Variants in FOXP1 observed in about 807,000 individuals in gnomAD.
FOXP1 encodes the protein forkhead box P1, also known as forkhead box protein P1.
In FOXP1, 15 loss-of-function variants were observed where a neutral mutation model predicts 98.2. The observed-to-expected ratio is 0.15, with a 90% CI of 0.10 to 0.24. The LOEUF is 0.24. Ranked by LOEUF, FOXP1 falls within the 10% of genes least tolerant of loss-of-function variation. FOXP1 has a pLI of 1.00. For synonymous variants in FOXP1, 371 were observed against 314.5 expected, an observed-to-expected ratio of 1.18 and a Z score of -1.90; for missense variants, 633 against 848.5, an observed-to-expected ratio of 0.75 and a Z score of 3.15.
chr3:71,017,036 A>C (rs1456563383), intron 11 of FOXP1, among the ~76,000 whole-genome samples: 1 of 152,148 alleles, frequency 6.6e-6, no homozygotes, highest in African/African-American at 2.4e-5. Context: ...AAAGAAAAAA[A>C]GGTAGAAAAA....
intron 5 of FOXP1, among the ~76,000 whole-genome samples, chr3:71,293,852 G>A (rs997729495): frequency 7.9e-5 from 12 of 152,104 alleles, no homozygotes; most frequent in Admixed American, 2.0e-4. Flanking sequence ...AATACACACA[G>A]CATAAAAAAC....
chr3:70,980,883 G>A (rs559582410), intron 14 of FOXP1, among the ~76,000 whole-genome samples: 3 of 152,232 alleles, frequency 2.0e-5, no homozygotes, highest in Admixed American at 6.5e-5. Flanking sequence ...TATACTTCTC[G>A]GCTTCTCTTT....
chr3:71,550,904 G>A (rs1296390785), intron 2 of FOXP1, among the ~76,000 whole-genome samples: 1 of 152,168 alleles, frequency 6.6e-6, no homozygotes, highest in Non-Finnish European at 1.5e-5. Flanking sequence ...CACTCTCTGC[G>A]GCTCCTCCTC....
chr3:70,981,976 A>G (rs753199601), intron 14 of FOXP1, among the ~76,000 whole-genome samples: 1 of 152,208 alleles, frequency 6.6e-6, no homozygotes, highest in Non-Finnish European at 1.5e-5. Context: ...TGAAATGTCA[A>G]CCTTGTCAAC....
At chr3:71,005,482 A>T (rs1214816489) in intron 12 of FOXP1, among the ~76,000 whole-genome samples, 1 of 152,068 alleles carries the variant, frequency 6.6e-6, no homozygotes, top group Non-Finnish European at 1.5e-5. Flanking sequence ...TGAAACACAT[A>T]TTAAATCTGA....
At chr3:71,344,777 T>C (rs2077222230) in intron 4 of FOXP1, among the ~76,000 whole-genome samples, 1 of 151,738 alleles carries the variant, frequency 6.6e-6, no homozygotes, top group East Asian at 1.9e-4. Context: ...GAGGTTGCAG[T>C]GAGCTGAGAT....
chr3:71,560,800 C>T (rs1478353729), intron 2 of FOXP1, among the ~76,000 whole-genome samples: 1 of 152,104 alleles, frequency 6.6e-6, no homozygotes, highest in East Asian at 1.9e-4. Flanking sequence ...CAGACAGACA[C>T]AAAAGGCCAC....
chr3:71,214,851 A>G (rs1164622032), intron 5 of FOXP1, among the ~76,000 whole-genome samples: 1 of 152,168 alleles, frequency 6.6e-6, no homozygotes, highest in East Asian at 1.9e-4. Flanking sequence ...TCCAGAGGAG[A>G]CTAGTACAAG....
At chr3:71,467,107 T>A (rs949847691) in intron 3 of FOXP1, among the ~76,000 whole-genome samples, 6 of 152,188 alleles carry the variant, frequency 3.9e-5, no homozygotes, top group Admixed American at 1.3e-4. Context: ...GAAACATTAT[T>A]ATATGTGTGT....
In FOXP1 at chr3:71,539,138, G is replaced by GTC. The variant is rs1441105390; in HGVS notation, c.-298+42409_-298+42410dup. On this transcript the variant is annotated intron_variant, in intron 2 of 20. Coordinates refer to ENST00000649528, the MANE Select transcript of FOXP1 (RefSeq NM_001349338.3). ...TTATTTTTTTTTTGTTTGAGATGGG[G>GTC]TCTCGCTCTGTCGCCCAGGCTGGGG... Among the ~76,000 whole-genome samples, 6 of 148,316 alleles carry GTC rather than the reference G, an allele frequency of 4.0e-5. No individual in the cohort carries two copies. The East Asian group carries it at 7.8e-4, about 19-fold the overall frequency.
intron 6 of FOXP1, among the ~76,000 whole-genome samples, chr3:71,193,878 C>T (rs1424177668): frequency 2.0e-5 from 3 of 152,160 alleles, no homozygotes; most frequent in Non-Finnish European, 4.4e-5. Context: ...AAATTCAACC[C>T]GATGGGTCCT....
At chr3:71,352,188 G>T (rs953489082) in intron 4 of FOXP1, among the ~76,000 whole-genome samples, 1 of 152,130 alleles carries the variant, frequency 6.6e-6, no homozygotes, top group Non-Finnish European at 1.5e-5. Context: ...GGGTACGGCT[G>T]GGTGTGGTCA....
chr3:71,035,272 G>T (rs1185891153), intron 11 of FOXP1, among the ~76,000 whole-genome samples: 1 of 152,178 alleles, frequency 6.6e-6, no homozygotes, highest in Non-Finnish European at 1.5e-5. Context: ...GGTTTCAGAA[G>T]AAAGGCCTAG....
intron 6 of FOXP1, among the ~76,000 whole-genome samples, chr3:71,134,123 C>T (rs1337879396): frequency 6.6e-6 from 1 of 152,192 alleles, no homozygotes; most frequent in African/African-American, 2.4e-5. Context: ...GTGCTTCAGA[C>T]ATTTGTCTAA....
rs548805686 is a variant in FOXP1 at position 71,009,562 on chromosome 3, G to A, written c.974+5987C>T. ...CATTCTATTACAGAACAATTTCTTC[G>A]GATATATCAATGCTTTGCATAGTCA... On this transcript the variant is annotated intron_variant, in intron 12 of 20. Transcript: ENST00000649528. Among the ~76,000 whole-genome samples the A allele has an allele frequency of 1.2e-4, 19 of 152,102 alleles. No individual in the cohort carries two copies. The East Asian group carries it at 2.1e-3, about 17-fold the overall frequency.
At chr3:70,977,597 ACATATACCTTCTGACAGAATTT>A in intron 16 of FOXP1, 24 bp downstream of exon 16, 2 of 1,428,444 alleles carry the variant, frequency 1.4e-6, no homozygotes, top group Non-Finnish European at 2.0e-6. Flanking sequence ...ATCCATGTAC[ACATATACCTTCTGACAGAATTT>A]CATATACTGT....
intron 7 of FOXP1, among the ~76,000 whole-genome samples, chr3:71,066,821 C>T (rs959898821): frequency 1.3e-5 from 2 of 152,184 alleles, no homozygotes; most frequent in Non-Finnish European, 2.9e-5. Context: ...AGAAGGTGGA[C>T]TAACTCCTTA....
At chr3:71,266,192 C>T (rs1029149582) in intron 5 of FOXP1, among the ~76,000 whole-genome samples, 2 of 152,064 alleles carry the variant, frequency 1.3e-5, no homozygotes, top group African/African-American at 4.8e-5. Flanking sequence ...GCCACCTAGC[C>T]CAGGACTCAC....
intron 4 of FOXP1, among the ~76,000 whole-genome samples, chr3:71,349,431 AG>A (rs1361807686): frequency 6.6e-6 from 1 of 152,224 alleles, no homozygotes; most frequent in African/African-American, 2.4e-5. Context: ...GTTATAACTT[AG>A]TAATCAGAGT....
Sources: gnomAD v4.1 joint callset for allele counts (sites outside exome capture counted in the v4.1 genomes callset) on GRCh38, gnomAD v4.1.1 for gene constraint, MANE v1.5 for transcripts, NCBI Gene and HGNC (gene_info 2026-07-23, HGNC 2026-07-21) for gene names.